Variants in ZNF140 observed in about 807,000 individuals in gnomAD.
ZNF140 encodes zinc finger protein 140.
Under a neutral mutation model 12.9 loss-of-function variants are expected in ZNF140, and 13 were observed. The observed-to-expected ratio is 1.01, with a 90% CI of 0.66 to 1.60. The LOEUF (loss-of-function observed/expected upper bound fraction) is 1.60. Ranked by LOEUF, ZNF140 falls within the 40% of genes most tolerant of loss-of-function variation. ZNF140 has a pLI of 0.00. For synonymous variants in ZNF140, 214 were observed against 186.7 expected (o/e 1.15, Z -1.19); for missense variants, 531 against 548.8 (o/e 0.97, Z 0.32).
intron 2 of ZNF140, 42 bp downstream of exon 2, chr12:133,081,371 A>ATATATATATATATATATATATATATATAT (rs1593734785): frequency 3.2e-4 from 81 of 251,732 alleles, no homozygotes; most frequent in Admixed American, 4.8e-4. Flanking sequence ...ATATATATAT[A>ATATATATATATATATATATATATATATAT]AATTTTTATT....
At chr12:133,086,726 T>G (rs759463405) in intron 4 of ZNF140, among the ~76,000 whole-genome samples, 5 of 152,208 alleles carry the variant, frequency 3.3e-5, no homozygotes, top group Non-Finnish European at 5.9e-5. Flanking sequence ...CCTAAGAGAT[T>G]ATGATGAAGA....
At position 133,105,550 on chromosome 12, in the gene ZNF140, A is replaced by T. The variant is rs1470861099; in HGVS notation, c.273A>T (p.Lys91Asn). The T allele has an allele frequency of 1.9e-6, 3 of 1,610,274 alleles. No individual in the cohort carries two copies. The highest frequency in any genetic ancestry group is 1.7e-5 in the Admixed American group (1 of 58,964). ...SSGEIKDFSP[K>N]NVIYDDSSQY... ...GTGAGATCAAAGACTTTTCACCAAA[A>T]AATGTCATTTATGATGACTCATCCC... The change falls in exon 5 of 5, where the codon AAA (lysine) becomes AAT (asparagine). Residue 91 changes from lysine to asparagine, a missense_variant. Lys to Asn is a moderately conservative substitution (Grantham distance 94). Transcript: ENST00000355557.
Position 133,105,754 on chromosome 12 carries a change from G to A in ZNF140, c.477G>A (p.Arg159=), listed in dbSNP as rs1390315379. 1.2e-6 allele frequency: 2 copies of A among 1,614,158 alleles called. No homozygotes were observed. The highest frequency in any genetic ancestry group is 2.2e-5 in the East Asian group (1 of 44,874). Residue 159 remains arginine (R), a synonymous_variant, in exon 5 of 5, where the codon AGG becomes AGA. Transcript: ENST00000355557. Reference sequence around the variant, plus strand: ...ATATGAATATCAGTACTGTGGAGAGGCCCTATGGATGCCATGAATGTGGAA... The same window carrying A: ...ATATGAATATCAGTACTGTGGAGAGACCCTATGGATGCCATGAATGTGGAA... ...AQHMNISTVE[R]PYGCHECGKT...
chr12:133,088,050 A>T (rs1480519331), intron 4 of ZNF140, among the ~76,000 whole-genome samples: 6 of 151,738 alleles, frequency 4.0e-5, no homozygotes, highest in Non-Finnish European at 8.8e-5. Flanking sequence ...GAATCGCTGG[A>T]GCCCAGGAGG....
At position 133,083,704 on chromosome 12, in the gene ZNF140, A is replaced by T; in HGVS notation, c.232+143A>T. ...GCTAGGCACGGTGGCTCATGCCGGT[A>T]ATCCCAGCACTTTGGGAGGCCGAGG... is the stretch of plus-strand genomic sequence containing the variant. On this transcript the variant is annotated intron_variant, in intron 4 of 4. Transcript: ENST00000355557. 3 of 755,706 alleles carry T rather than the reference A, an allele frequency of 4.0e-6. No individual in the cohort carries two copies. In the Middle Eastern group the frequency reaches 9.8e-4, roughly 248 times the overall value. 46.8% of individuals were successfully genotyped at this position (755,706 alleles called of 1,614,324 possible).
At position 133,106,558 on chromosome 12, in the gene ZNF140, C is replaced by G; in HGVS notation, c.1281C>G (p.Asn427Lys). The change falls in exon 5 of 5, where the codon AAC (asparagine) becomes AAG (lysine). Residue 427 changes from asparagine to lysine, a missense_variant. Coordinates refer to ENST00000355557, the MANE Select transcript of ZNF140 (RefSeq NM_003440.4). Reference sequence around the variant, plus strand: ...ACAAATCCTTCAGCTGGAGCTCAAACCTTGCTAAACATCAGAGGACACACA... The same window carrying G: ...ACAAATCCTTCAGCTGGAGCTCAAAGCTTGCTAAACATCAGAGGACACACA... ...VCNKSFSWSS[N>K]LAKHQRTHTL... is the part of the protein sequence containing the mutation. 6.2e-7 allele frequency: 1 copy of G among 1,613,864 alleles called. No individual in the cohort carries two copies. Among genetic ancestry groups the G allele is most frequent in the Non-Finnish European group, 8.5e-7 (1 of 1,179,982 alleles).
At chr12:133,086,435 GTATGTTTATTGAACAT>G (rs1266308341) in intron 4 of ZNF140, among the ~76,000 whole-genome samples, 1 of 152,064 alleles carries the variant, frequency 6.6e-6, no homozygotes, top group Non-Finnish European at 1.5e-5. Flanking sequence ...GCACCTTTTC[GTATGTTTATTGAACAT>G]CTAGGTATCC....
intron 4 of ZNF140, among the ~76,000 whole-genome samples, chr12:133,100,177 T>G (rs1955292055): frequency 7.0e-6 from 1 of 142,098 alleles, no homozygotes; most frequent in Non-Finnish European, 1.5e-5. Flanking sequence ...TTTTTTTTTT[T>G]TTTTTTTTTT....
chr12:133,097,821 G>GTA (rs1955186648), intron 4 of ZNF140, among the ~76,000 whole-genome samples: 1 of 95,910 alleles, frequency 1.0e-5, no homozygotes, highest in Non-Finnish European at 2.2e-5. Flanking sequence ...ATCTAACCAT[G>GTA]TGTGTGTGTG....
chr12:133,083,401 T>C, intron 3 of ZNF140, 65 bp from the exon 4 acceptor site: 1 of 1,559,020 alleles, frequency 6.4e-7, no homozygotes, highest in African/African-American at 1.4e-5. Flanking sequence ...CATCTGACAT[T>C]TCCTTTGTGG....
chr12:133,096,033 A>C, intron 4 of ZNF140, among the ~76,000 whole-genome samples: 1 of 150,924 alleles, frequency 6.6e-6, no homozygotes, highest in Middle Eastern at 3.2e-3. Context: ...AATCCACCTC[A>C]GCACAGACCC....
At chr12:133,088,522 G>A (rs1954757456) in intron 4 of ZNF140, among the ~76,000 whole-genome samples, 1 of 152,174 alleles carries the variant, frequency 6.6e-6, no homozygotes, top group African/African-American at 2.4e-5. Flanking sequence ...TAAGGACATT[G>A]TGGTTGCTTC....
At chr12:133,102,947 TTTGA>T (rs1030379902) in intron 4 of ZNF140, among the ~76,000 whole-genome samples, 4 of 149,938 alleles carry the variant, frequency 2.7e-5, no homozygotes, top group African/African-American at 7.6e-5. Flanking sequence ...CGAACATTGT[TTTGA>T]TTGTGTTTTT....
At chr12:133,083,350 G>T in intron 3 of ZNF140, 116 bp from the exon 4 acceptor site, 1 of 1,490,066 alleles carries the variant, frequency 6.7e-7, no homozygotes, top group South Asian at 1.3e-5. Flanking sequence ...TTTAAGATGG[G>T]GACGTAACTG....
chr12:133,098,299 T>C (rs1955213643), intron 4 of ZNF140, among the ~76,000 whole-genome samples: 1 of 151,932 alleles, frequency 6.6e-6, no homozygotes, highest in Admixed American at 6.5e-5. Context: ...TGCAGTGGCA[T>C]GATCTCTCCT....
At position 133,092,662 on chromosome 12, in the gene ZNF140, T is replaced by G. The variant is rs1036472789; in HGVS notation, c.232+9101T>G. ...AAATTCCCTTTTCACCCCATTTCCA[T>G]GGATAGGGTGATTCTAGCCTTCTGT... On this transcript the variant is annotated intron_variant, in intron 4 of 4. Coordinates refer to ENST00000355557, the MANE Select transcript of ZNF140 (RefSeq NM_003440.4). Among the ~76,000 whole-genome samples the G allele has an allele frequency of 1.4e-4, 21 of 151,330 alleles. 1 individual carries two copies. In the East Asian group the frequency reaches 3.1e-3, roughly 22 times the overall value.
intron 2 of ZNF140, 57 bp from the exon 3 acceptor site, chr12:133,083,046 A>G: frequency 1.2e-6 from 2 of 1,612,690 alleles, no homozygotes; most frequent in Non-Finnish European, 1.7e-6. Context: ...TTATTCCTTG[A>G]TGAGGGAGTT....
intron 4 of ZNF140, among the ~76,000 whole-genome samples, chr12:133,100,171 T>G (rs1286083338): frequency 8.0e-5 from 11 of 138,044 alleles, no homozygotes; most frequent in Middle Eastern, 3.5e-3. Context: ...TTTTTTTTTT[T>G]TTTTTTTTTT....
At chr12:133,095,884 C>T (rs1955085449) in intron 4 of ZNF140, among the ~76,000 whole-genome samples, 1 of 151,980 alleles carries the variant, frequency 6.6e-6, no homozygotes, top group Non-Finnish European at 1.5e-5. Flanking sequence ...TCGCCTCCCA[C>T]CATAGGGCGG....
Sources: allele counts gnomAD v4.1 joint callset (sites outside exome capture counted in the v4.1 genomes callset), GRCh38; gene constraint gnomAD v4.1.1; transcripts MANE v1.5; gene names NCBI Gene and HGNC (gene_info 2026-07-23, HGNC 2026-07-21).